The following MMACHC variants were observed in gnomAD, a reference collection of about 807,000 sequenced individuals.
MMACHC encodes cyanocobalamin reductase / alkylcobalamin dealkylase.
A neutral mutation model predicts 17.6 loss-of-function variants in MMACHC; 14 were observed. The observed-to-expected ratio is 0.80, with a 90% CI of 0.53 to 1.25. MMACHC has a LOEUF of 1.25. Among genes scored for constraint, MMACHC ranks in the 50% most tolerant of loss-of-function variants. MMACHC has a pLI of 0.00. For missense variants in MMACHC, 392 were observed against 364.5 expected (o/e 1.08, Z -0.62); for synonymous variants, 151 against 142.1 (o/e 1.06, Z -0.45).
At chr1:45,505,083 C>G (rs1022979522) in intron 1 of MMACHC, among the ~76,000 whole-genome samples, 2 of 143,750 alleles carry the variant, frequency 1.4e-5, no homozygotes, top group African/African-American at 2.6e-5. Context: ...GCCACTGTAC[C>G]CTAGCCCCTG....
rs4660306 is a variant in MMACHC at position 45,513,003 on chromosome 1, T to C, written c.*3788T>C. ...TCTAATAACTTCATTTCCTTTAAAT[T>C]ACAAGATCAGAGCTGAAATAGGCCT... On this transcript the variant is annotated 3_prime_UTR_variant, in exon 4 of 4. Transcript: ENST00000401061. 0.73 allele frequency: 111,594 copies of C among 152,056 alleles called. 41,389 individuals are homozygous for C. The highest frequency in any genetic ancestry group is 0.92 in the East Asian group (4,783 of 5,180). 9.4% of individuals were successfully genotyped at this position (152,056 alleles called of 1,614,324 possible).
In MMACHC at chr1:45,510,343, G is replaced by C. The variant is rs1398166791; in HGVS notation, c.*1128G>C. 1 of 152,122 alleles carries C rather than the reference G, an allele frequency of 6.6e-6. No individual in the cohort carries two copies. Among genetic ancestry groups the C allele is most frequent in the Admixed American group, 6.6e-5 (1 of 15,252 alleles). The allele number at this position is 152,122 out of a possible 1,614,324, so 9.4% of individuals were successfully genotyped here. Reference sequence around the variant, plus strand: ...ATCTACCTTGGCCTCAAGGGCCCAGGAGAATAACTTTTCCCAGCTGACAGC... The same window carrying C: ...ATCTACCTTGGCCTCAAGGGCCCAGCAGAATAACTTTTCCCAGCTGACAGC... On this transcript the variant is annotated 3_prime_UTR_variant, in exon 4 of 4. Coordinates refer to ENST00000401061, the MANE Select transcript of MMACHC (RefSeq NM_015506.3).
At chr1:45,500,680 C>T (rs2149321101) in intron 1 of MMACHC, among the ~76,000 whole-genome samples, 1 of 152,104 alleles carries the variant, frequency 6.6e-6, no homozygotes, top group South Asian at 2.1e-4. Flanking sequence ...GCCTGGCCAA[C>T]ATGGTGAAAC....
Position 45,512,877 on chromosome 1 carries a change from G to C in MMACHC, c.*3662G>C, listed in dbSNP as rs1166445020. Reference sequence around the variant, plus strand: ...TACCTCTTGGTTATCAGTGCTCACTGATCCCTATATAATCAGACTCTAATC... The same window carrying C: ...TACCTCTTGGTTATCAGTGCTCACTCATCCCTATATAATCAGACTCTAATC... On this transcript the variant is annotated 3_prime_UTR_variant, in exon 4 of 4. Transcript: ENST00000401061. 2 of 152,182 alleles carry C rather than the reference G, an allele frequency of 1.3e-5. No homozygotes were observed. Among genetic ancestry groups the C allele is most frequent in the African/African-American group, 4.8e-5 (2 of 41,434 alleles). 9.4% of individuals were successfully genotyped at this position (152,182 alleles called of 1,614,324 possible). A position where few individuals can be genotyped will look rare whatever the true frequency, so the allele number is the denominator to read the frequency against.
chr1:45,501,391 T>A (rs761675857), intron 1 of MMACHC, among the ~76,000 whole-genome samples: 3 of 152,140 alleles, frequency 2.0e-5, no homozygotes, highest in Non-Finnish European at 4.4e-5. Context: ...TCCCATTCCT[T>A]CTGCTGAGTG....
chr1:45,502,337 A>G (rs1423364839), intron 1 of MMACHC, among the ~76,000 whole-genome samples: 1 of 152,100 alleles, frequency 6.6e-6, no homozygotes, highest in East Asian at 1.9e-4. Context: ...TGGTGCAATC[A>G]TAGCTCACTG....
Position 45,511,587 on chromosome 1 carries a change from T to C in MMACHC, c.*2372T>C, listed in dbSNP as rs1643747087. ...ATGAGCTAACCATTTTACAAACATA[T>C]AATCATCACCACAGCCTTAAGATAC... On this transcript the variant is annotated 3_prime_UTR_variant, in exon 4 of 4. Coordinates refer to ENST00000401061, the MANE Select transcript of MMACHC (RefSeq NM_015506.3). The C allele has an allele frequency of 6.8e-6, 3 of 438,336 alleles. No homozygotes were observed. The highest frequency in any genetic ancestry group is 2.1e-5 in the African/African-American group (1 of 47,658). The allele number at this position is 438,336 out of a possible 1,614,324, so 27.2% of individuals were successfully genotyped here.
chr1:45,508,402 G>A (rs772486368), intron 3 of MMACHC, 38 bp downstream of exon 3: 40 of 1,610,232 alleles, frequency 2.5e-5, no homozygotes, highest in Non-Finnish European at 3.1e-5. Flanking sequence ...GAGATAGACT[G>A]GTAAAGGCCT....
In MMACHC at chr1:45,510,915, A is replaced by G. The variant is rs1044717; in HGVS notation, c.*1700A>G. ...GGGTTCATTCAGTTCCATTCCCTAT[A>G]TCTACCTGTGTCAATATAATTCCCT... On this transcript the variant is annotated 3_prime_UTR_variant, in exon 4 of 4. Coordinates refer to ENST00000401061, the MANE Select transcript of MMACHC (RefSeq NM_015506.3). The G allele has an allele frequency of 0.74, 114,478 of 155,482 alleles. 42,610 individuals are homozygous for G. The highest frequency in any genetic ancestry group is 0.94 in the East Asian group (5,004 of 5,306). 9.6% of individuals were successfully genotyped at this position (155,482 alleles called of 1,614,324 possible). A position where few individuals can be genotyped will look rare whatever the true frequency, so the allele number is the denominator to read the frequency against.
rs1643696590 is a variant in MMACHC, at chr1:45,509,416, G to GTCTTTT, written c.*202_*203insCTTTTT. The GTCTTTT allele has an allele frequency of 2.9e-6, 1 of 344,414 alleles. No individual in the cohort carries two copies. The highest frequency in any genetic ancestry group is 5.2e-5 in the Admixed American group (1 of 19,162). 21.3% of individuals were successfully genotyped at this position (344,414 alleles called of 1,614,324 possible). A position where few individuals can be genotyped will look rare whatever the true frequency, so the allele number is the denominator to read the frequency against. ...AGAATTCCCATCTGCCTTCAAATGA[G>GTCTTTT]TTTTTTTTTTTTTTTTAGACAGAGT... On this transcript the variant is annotated 3_prime_UTR_variant, in exon 4 of 4. Coordinates refer to ENST00000401061, the MANE Select transcript of MMACHC (RefSeq NM_015506.3).
At chr1:45,503,900 G>A (rs1321759093) in intron 1 of MMACHC, among the ~76,000 whole-genome samples, 1 of 152,194 alleles carries the variant, frequency 6.6e-6, no homozygotes, top group Non-Finnish European at 1.5e-5. Context: ...GATTTAGCAA[G>A]TTCATTGCAG....
chr1:45,507,547 A>G lies in MMACHC; in HGVS notation c.273A>G (p.Arg91=), dbSNP rs1366838868. Residue 91 remains arginine, a synonymous_variant, in exon 2 of 4, where the codon AGA becomes AGG. Coordinates refer to ENST00000401061, the MANE Select transcript of MMACHC (RefSeq NM_015506.3). ...TGGCCTACCATCTGGGCCGTGTTAGAGAGGTGAGGAAGGCTCAGTTTTCCC... is the reference window on the plus strand; with the variant it reads ...TGGCCTACCATCTGGGCCGTGTTAGGGAGGTGAGGAAGGCTCAGTTTTCCC... ...QCVAYHLGRV[R]ESLPELQIEI... The G allele has an allele frequency of 1.2e-6, 2 of 1,614,172 alleles. No homozygotes were observed. Among genetic ancestry groups the G allele is most frequent in the Middle Eastern group, 1.7e-4 (1 of 6,060 alleles).
chr1:45,502,730 G>C (rs1485156513), intron 1 of MMACHC, among the ~76,000 whole-genome samples: 1 of 148,608 alleles, frequency 6.7e-6, no homozygotes, highest in Non-Finnish European at 1.5e-5. Flanking sequence ...TTGAGATGGA[G>C]TTTCGCTCTT....
intron 1 of MMACHC, among the ~76,000 whole-genome samples, chr1:45,506,856 T>C (rs1297201393): frequency 6.6e-6 from 1 of 151,924 alleles, no homozygotes; most frequent in East Asian, 2.0e-4. Flanking sequence ...CAGTCAGTCC[T>C]TCAATAAATA....
At chr1:45,500,555 G>A (rs1643523433) in intron 1 of MMACHC, 142 bp downstream of exon 1, 1 of 838,402 alleles carries the variant, frequency 1.2e-6, no homozygotes, top group African/African-American at 1.7e-5. Context: ...GTTTCAGTGG[G>A]GGCTTGGGTT....
Position 45,508,316 on chromosome 1 carries a change from T to C in MMACHC, c.381T>C (p.Ala127=). The C allele has an allele frequency of 6.2e-7, 1 of 1,614,200 alleles. No individual in the cohort carries two copies. The highest frequency in any genetic ancestry group is 1.1e-5 in the South Asian group (1 of 91,078). The change falls in exon 3 of 4, where the codon GCT becomes GCC. Residue 127 remains alanine, a synonymous_variant. Transcript: ENST00000401061. ...AQTAAHVAGA[A]YYYQRQDVEA... is the part of the protein sequence containing the mutation. ...CAGCAGCCCATGTAGCTGGGGCTGC[T>C]TACTACTACCAACGACAAGATGTGG...
In MMACHC at chr1:45,507,446, A is replaced by G; in HGVS notation, c.172A>G (p.Met58Val). The G allele has an allele frequency of 6.2e-7, 1 of 1,614,078 alleles. No homozygotes were observed. Residue 58 changes from methionine (M) to valine (V), a missense_variant, in exon 2 of 4, where the codon ATG (methionine) becomes GTG (valine). Coordinates refer to ENST00000401061, the MANE Select transcript of MMACHC (RefSeq NM_015506.3). ...LAFLVLSTPA[M>V]FDRALKPFLQ... is the part of the protein sequence containing the mutation. ...CTTCCTGGTACTCAGCACGCCTGCC[A>G]TGTTTGACCGGGCCCTCAAGCCCTT...
At chr1:45,503,629 A>T (rs1643576522) in intron 1 of MMACHC, among the ~76,000 whole-genome samples, 1 of 151,988 alleles carries the variant, frequency 6.6e-6, no homozygotes, top group Non-Finnish European at 1.5e-5. Flanking sequence ...TATAATAGAC[A>T]TGAGGGGGAA....
At position 45,507,424 on chromosome 1, in the gene MMACHC, C is replaced by T. The variant is rs760608755; in HGVS notation, c.150C>T (p.Phe50=). The T allele has an allele frequency of 6.8e-6, 11 of 1,614,176 alleles. No individual in the cohort carries two copies. The South Asian group carries it at 1.2e-4, about 18-fold the overall frequency. ...HLPLPGPTLA[F]LVLSTPAMFD... is the part of the protein sequence containing the mutation. ...CGCTGCCAGGACCTACCCTGGCCTT[C>T]CTGGTACTCAGCACGCCTGCCATGT... The change falls in exon 2 of 4, where the codon TTC becomes TTT. Residue 50 remains phenylalanine, a synonymous_variant. Coordinates refer to ENST00000401061, the MANE Select transcript of MMACHC (RefSeq NM_015506.3).
Sources: allele counts gnomAD v4.1 joint callset (sites outside exome capture counted in the v4.1 genomes callset), GRCh38; gene constraint gnomAD v4.1.1; transcripts MANE v1.5; gene names NCBI Gene and HGNC (gene_info 2026-07-23, HGNC 2026-07-21).